The following EPHA3 variants were observed in gnomAD, a reference collection of about 807,000 sequenced individuals.
EPHA3 encodes the protein ephrin type-A receptor 3.
EPHA3 carries 42 observed loss-of-function variants against 107.1 expected under a neutral mutation model. The observed-to-expected ratio is 0.39, with a 90% CI of 0.31 to 0.51. The LOEUF (loss-of-function observed/expected upper bound fraction) is 0.51, where lower values mean the gene tolerates loss of function less well. Among genes scored for constraint, EPHA3 ranks in the 20% least tolerant of loss-of-function variants. EPHA3 has a pLI of 0.78. For missense variants in EPHA3, 1,183 were observed against 1,211.2 expected (o/e 0.98, Z 0.35); for synonymous variants, 461 against 424.8 (o/e 1.09, Z -1.05).
chr3:89,219,688 G>GTGTTTTTTTTTGTT, intron 3 of EPHA3, among the ~76,000 whole-genome samples: 1,946 of 34,402 alleles, frequency 0.057, 823 homozygotes, highest in East Asian at 0.097. Flanking sequence ...ATTTGGCAAT[G>GTGTTTTTTTTTGTT]TTTTTTTTTT....
intron 2 of EPHA3, among the ~76,000 whole-genome samples, chr3:89,156,674 AATG>A (rs1370752368): frequency 4.6e-5 from 7 of 152,036 alleles, no homozygotes; most frequent in African/African-American, 1.7e-4. Flanking sequence ...TAAAAAGAAG[AATG>A]ATATTAGTTA....
chr3:89,307,022 T>A (rs1706640292), intron 3 of EPHA3, among the ~76,000 whole-genome samples: 1 of 152,182 alleles, frequency 6.6e-6, no homozygotes, highest in African/African-American at 2.4e-5. Flanking sequence ...AACACTAATT[T>A]GACATTAAAA....
intron 3 of EPHA3, among the ~76,000 whole-genome samples, chr3:89,228,519 G>A (rs1704553328): frequency 6.6e-6 from 1 of 151,918 alleles, no homozygotes. Context: ...AAAATTTTGT[G>A]TGTAGAATAA....
At chr3:89,334,127 A>G (rs1576317547) in intron 3 of EPHA3, among the ~76,000 whole-genome samples, 2 of 152,354 alleles carry the variant, frequency 1.3e-5, no homozygotes, top group East Asian at 1.9e-4. Flanking sequence ...GATGACTATC[A>G]TAACATATAG....
intron 13 of EPHA3, among the ~76,000 whole-genome samples, chr3:89,431,600 A>G (rs1002581976): frequency 6.6e-6 from 1 of 152,166 alleles, no homozygotes; most frequent in African/African-American, 2.4e-5. Context: ...CACCAAAAGC[A>G]GCAAGATTCT....
chr3:89,123,334 G>T (rs1559741329), intron 1 of EPHA3, among the ~76,000 whole-genome samples: 1 of 152,118 alleles, frequency 6.6e-6, no homozygotes, highest in Non-Finnish European at 1.5e-5. Context: ...GTAGAGATGA[G>T]TTTTCGCCAT....
At chr3:89,211,469 G>A (rs1214248641) in intron 3 of EPHA3, among the ~76,000 whole-genome samples, 5 of 151,952 alleles carry the variant, frequency 3.3e-5, no homozygotes, top group Non-Finnish European at 5.9e-5. Context: ...CCATTTTAAT[G>A]CCCTTGCTTG....
At chr3:89,213,731 T>G (rs1172869408) in intron 3 of EPHA3, among the ~76,000 whole-genome samples, 1 of 151,996 alleles carries the variant, frequency 6.6e-6, no homozygotes, top group Non-Finnish European at 1.5e-5. Flanking sequence ...ACAATTTTTG[T>G]AGATGCTGAA....
At chr3:89,362,546 AG>A (rs1380164905) in intron 5 of EPHA3, among the ~76,000 whole-genome samples, 1 of 151,192 alleles carries the variant, frequency 6.6e-6, no homozygotes, top group Admixed American at 6.6e-5. Flanking sequence ...GCAACAAGAA[AG>A]CTTCATATGA....
At position 89,341,747 on chromosome 3, in the gene EPHA3, C is replaced by T. The variant is rs1224739432; in HGVS notation, c.971-8C>T. The T allele has an allele frequency of 6.3e-7, 1 of 1,597,248 alleles. No homozygotes were observed. The highest frequency in any genetic ancestry group is 2.2e-5 in the East Asian group (1 of 44,760). The stretch of plus-strand genomic sequence containing the variant: ...AGGCTCATTAATCTTTGTTGAACTA[C>T]TTTGCAGGACCTCCATCTTCACCAA... On this transcript the variant is annotated splice_region_variant and splice_polypyrimidine_tract_variant and intron_variant, in intron 4 of 16. Coordinates refer to ENST00000336596, the MANE Select transcript of EPHA3 (RefSeq NM_005233.6).
At chr3:89,403,845 T>C (rs1210240291) in intron 7 of EPHA3, among the ~76,000 whole-genome samples, 1 of 152,182 alleles carries the variant, frequency 6.6e-6, no homozygotes, top group Non-Finnish European at 1.5e-5. Context: ...GATTTTAATG[T>C]TTATTAAATA....
At chr3:89,247,213 C>A (rs17738248) in intron 3 of EPHA3, among the ~76,000 whole-genome samples, 28,580 of 152,150 alleles carry the variant, frequency 0.19, 3,437 homozygotes, top group Non-Finnish European at 0.27. Flanking sequence ...TAGAGATATA[C>A]AGACTCCATC....
At chr3:89,304,451 C>T (rs1469965063) in intron 3 of EPHA3, among the ~76,000 whole-genome samples, 1 of 151,860 alleles carries the variant, frequency 6.6e-6, no homozygotes, top group Non-Finnish European at 1.5e-5. Context: ...TCGTTACTCA[C>T]CCCATCAGTC....
intron 3 of EPHA3, among the ~76,000 whole-genome samples, chr3:89,330,714 G>A (rs1225753945): frequency 6.6e-6 from 1 of 152,048 alleles, no homozygotes; most frequent in Non-Finnish European, 1.5e-5. Flanking sequence ...AACTAAGAGA[G>A]CAAATAATTG....
At chr3:89,355,664 A>G (rs1707930993) in intron 5 of EPHA3, among the ~76,000 whole-genome samples, 1 of 150,870 alleles carries the variant, frequency 6.6e-6, no homozygotes, top group African/African-American at 2.4e-5. Context: ...AGTCCTACAC[A>G]TAGATTGTTG....
chr3:89,308,830 C>T (rs191050900), intron 3 of EPHA3, among the ~76,000 whole-genome samples: 6 of 152,058 alleles, frequency 3.9e-5, no homozygotes, highest in Admixed American at 1.3e-4. Context: ...ATTGAATTAA[C>T]GAAGAAGATT....
intron 13 of EPHA3, among the ~76,000 whole-genome samples, chr3:89,441,051 T>C (rs1474060063): frequency 1.3e-5 from 2 of 152,222 alleles, no homozygotes; most frequent in East Asian, 3.9e-4. Context: ...ATATAGTCCA[T>C]GACCCTGTTT....
chr3:89,148,145 C>CTG (rs1381021176), intron 2 of EPHA3, among the ~76,000 whole-genome samples: 10 of 152,016 alleles, frequency 6.6e-5, no homozygotes, highest in African/African-American at 2.4e-4. Flanking sequence ...CATGTGCTCT[C>CTG]TGTGTGTGGG....
chr3:89,179,273 T>C (rs1214957004), intron 2 of EPHA3, among the ~76,000 whole-genome samples: 1 of 152,132 alleles, frequency 6.6e-6, no homozygotes, highest in Non-Finnish European at 1.5e-5. Flanking sequence ...TGATCTCTGA[T>C]ATCTCTTATT....
Sources: allele counts gnomAD v4.1 joint callset (sites outside exome capture counted in the v4.1 genomes callset), GRCh38; gene constraint gnomAD v4.1.1; transcripts MANE v1.5; gene names NCBI Gene and HGNC (gene_info 2026-07-23, HGNC 2026-07-21).